The following DENND4C variants were observed in gnomAD, a reference collection of about 807,000 sequenced individuals.
DENND4C encodes DENN domain containing 4C.
DENND4C carries 108 observed loss-of-function variants against 203.0 expected under a neutral mutation model. The ratio of observed to expected loss-of-function variants is 0.53; its 90% confidence interval spans 0.46 to 0.62. The LOEUF (loss-of-function observed/expected upper bound fraction) is 0.62, where lower values mean the gene tolerates loss of function less well. Ranked by LOEUF, DENND4C falls within the 20% of genes least tolerant of loss-of-function variation. DENND4C has a pLI of 0.00. For missense variants in DENND4C, 2,481 were observed against 2,301.2 expected (o/e 1.08, Z -1.60); for synonymous variants, 871 against 792.4 (o/e 1.10, Z -1.67).
intron 30 of DENND4C, among the ~76,000 whole-genome samples, chr9:19,366,613 T>C (rs892577821): frequency 1.3e-5 from 2 of 152,006 alleles, no homozygotes; most frequent in African/African-American, 2.4e-5. Context: ...AAAAAAAGAA[T>C]AGTCTTTTCA....
intron 1 of DENND4C, among the ~76,000 whole-genome samples, chr9:19,272,184 C>G (rs1372407960): frequency 1.3e-5 from 2 of 151,648 alleles, no homozygotes; most frequent in African/African-American, 2.4e-5. Flanking sequence ...CTTTGGGAGG[C>G]CAAGGTGGGC....
At chr9:19,241,711 G>T (rs1259868791) in intron 1 of DENND4C, among the ~76,000 whole-genome samples, 1 of 151,960 alleles carries the variant, frequency 6.6e-6, no homozygotes, top group African/African-American at 2.4e-5. Flanking sequence ...GCCTGAGGCT[G>T]TTTTTAGGTA....
At chr9:19,287,354 TATTC>T (rs1285074484) in intron 3 of DENND4C, among the ~76,000 whole-genome samples, 1 of 152,196 alleles carries the variant, frequency 6.6e-6, no homozygotes, top group Non-Finnish European at 1.5e-5. Flanking sequence ...TACATTCATT[TATTC>T]ATTCATTCAT....
At chr9:19,314,180 C>T (rs1278028788) in intron 10 of DENND4C, among the ~76,000 whole-genome samples, 2 of 152,204 alleles carry the variant, frequency 1.3e-5, no homozygotes, top group South Asian at 2.1e-4. Flanking sequence ...TGAGGCCAGG[C>T]GCAGTGGCTC....
chr9:19,307,519 C>G (rs995040210), intron 10 of DENND4C, among the ~76,000 whole-genome samples: 3 of 151,816 alleles, frequency 2.0e-5, no homozygotes, highest in Non-Finnish European at 4.4e-5. Flanking sequence ...CCTGTAATCC[C>G]AGCACTTTGG....
intron 10 of DENND4C, 26 bp from the exon 11 acceptor site, chr9:19,316,391 T>C (rs1841857110): frequency 6.4e-7 from 1 of 1,572,658 alleles, no homozygotes; most frequent in Non-Finnish European, 8.7e-7. Context: ...ATAACACATT[T>C]TATGAATTTT....
At chr9:19,259,235 G>T in intron 1 of DENND4C, among the ~76,000 whole-genome samples, 1 of 150,526 alleles carries the variant, frequency 6.6e-6, no homozygotes, top group South Asian at 2.1e-4. Context: ...TCTCCATTCC[G>T]CCCCCGCCAC....
chr9:19,240,934 G>C (rs1033268765), intron 1 of DENND4C, among the ~76,000 whole-genome samples: 5 of 152,164 alleles, frequency 3.3e-5, no homozygotes, highest in African/African-American at 4.8e-5. Context: ...CTGCACTCCA[G>C]CCTAGGCGAC....
At chr9:19,270,127 C>G (rs1831328896) in intron 1 of DENND4C, among the ~76,000 whole-genome samples, 1 of 152,176 alleles carries the variant, frequency 6.6e-6, no homozygotes, top group African/African-American at 2.4e-5. Flanking sequence ...TGGCATCGCT[C>G]TCCATGCTGA....
At chr9:19,307,393 C>CAAAAAAA (rs753710246) in intron 10 of DENND4C, among the ~76,000 whole-genome samples, 2 of 58,418 alleles carry the variant, frequency 3.4e-5, no homozygotes, top group African/African-American at 1.2e-4. Context: ...GACTCTGTCT[C>CAAAAAAA]AAAAAAAAAA....
chr9:19,352,300 T>C, intron 25 of DENND4C, 118 bp downstream of exon 25: 1 of 1,097,402 alleles, frequency 9.1e-7, no homozygotes, highest in Non-Finnish European at 1.3e-6. Flanking sequence ...TAAGTCATTT[T>C]GTTGAATTTG....
At chr9:19,336,235 A>G in intron 18 of DENND4C, 35 bp from the exon 19 acceptor site, 1 of 1,594,688 alleles carries the variant, frequency 6.3e-7, no homozygotes, top group Non-Finnish European at 8.5e-7. Flanking sequence ...AGATATTGCT[A>G]ATGAACATTA....
chr9:19,349,761 G>A (rs1554642132), intron 23 of DENND4C, among the ~76,000 whole-genome samples: 1 of 152,072 alleles, frequency 6.6e-6, no homozygotes, highest in Non-Finnish European at 1.5e-5. Context: ...ATACATAATA[G>A]TATATCAGTA....
At chr9:19,273,640 A>C (rs116501338) in intron 1 of DENND4C, among the ~76,000 whole-genome samples, 1 of 151,996 alleles carries the variant, frequency 6.6e-6, no homozygotes, top group South Asian at 2.1e-4. Context: ...AATTTCCCCA[A>C]AGAAGATATA....
intron 31 of DENND4C, 103 bp downstream of exon 31, chr9:19,370,090 C>A: frequency 7.5e-7 from 1 of 1,339,618 alleles, no homozygotes; most frequent in Non-Finnish European, 1.1e-6. Context: ...GAAACACATA[C>A]TCATTGCAAA....
At chr9:19,328,716 C>G (rs950908549) in intron 16 of DENND4C, among the ~76,000 whole-genome samples, 4 of 151,114 alleles carry the variant, frequency 2.6e-5, no homozygotes, top group African/African-American at 9.7e-5. Context: ...TCAATCAAGG[C>G]TGAAGTTTTT....
intron 12 of DENND4C, 110 bp downstream of exon 12, chr9:19,316,949 A>C (rs777221960): frequency 5.0e-6 from 5 of 996,262 alleles, no homozygotes; most frequent in Non-Finnish European, 5.6e-6. Flanking sequence ...TTCACATTCA[A>C]ATATAATGAA....
At chr9:19,237,734 T>C (rs1265299622) in intron 1 of DENND4C, among the ~76,000 whole-genome samples, 1 of 152,222 alleles carries the variant, frequency 6.6e-6, no homozygotes, top group Non-Finnish European at 1.5e-5. Context: ...TGCCTTTTTT[T>C]CCTGCCTATT....
chr9:19,274,956 C>T (rs961821439), intron 1 of DENND4C, among the ~76,000 whole-genome samples: 3 of 152,084 alleles, frequency 2.0e-5, no homozygotes, highest in Admixed American at 1.3e-4. Flanking sequence ...AGGAAAATAC[C>T]GTAGTCCACC....
Sources: allele counts gnomAD v4.1 joint callset (sites outside exome capture counted in the v4.1 genomes callset), GRCh38; gene constraint gnomAD v4.1.1; transcripts MANE v1.5; gene names NCBI Gene and HGNC (gene_info 2026-07-23, HGNC 2026-07-21).